Variants in TGFBR2 observed in about 807,000 individuals in gnomAD.
TGFBR2 encodes transforming growth factor beta receptor 2.
A neutral mutation model predicts 49.0 loss-of-function variants in TGFBR2; 18 were observed. The observed-to-expected ratio is 0.37, with a 90% CI of 0.25 to 0.54. The LOEUF (loss-of-function observed/expected upper bound fraction) is 0.54, where lower values mean the gene tolerates loss of function less well. Among genes scored for constraint, TGFBR2 ranks in the 20% least tolerant of loss-of-function variants. The pLI is 0.85. For missense variants in TGFBR2, 525 were observed against 722.6 expected, an observed-to-expected ratio of 0.73 and a Z score of 3.13; for synonymous variants, 282 against 275.9, an observed-to-expected ratio of 1.02 and a Z score of -0.22.
intron 1 of TGFBR2, among the ~76,000 whole-genome samples, chr3:30,640,784 A>C (rs548222249): frequency 6.6e-6 from 1 of 152,270 alleles, no homozygotes; most frequent in East Asian, 1.9e-4. Context: ...CTAATATAAC[A>C]ATCTGGATTA....
intron 3 of TGFBR2, among the ~76,000 whole-genome samples, chr3:30,668,451 A>G (rs1699280280): frequency 6.6e-6 from 1 of 152,210 alleles, no homozygotes; most frequent in Non-Finnish European, 1.5e-5. Flanking sequence ...GCATTGTGGA[A>G]GTGGTAAGCC....
intron 6 of TGFBR2, among the ~76,000 whole-genome samples, chr3:30,691,172 C>A (rs150353621): frequency 1.9e-4 from 29 of 152,168 alleles, no homozygotes; most frequent in Non-Finnish European, 4.0e-4. Context: ...CTATTGTGAT[C>A]AGATAGCACC....
Position 30,650,152 on chromosome 3 carries a change from A to T in TGFBR2, c.264-118A>T, listed in dbSNP as rs770436127. 4.3e-5 allele frequency: 45 copies of T among 1,052,896 alleles called. No homozygotes were observed. In the Middle Eastern group the frequency reaches 8.4e-4, roughly 20 times the overall value. The allele number at this position is 1,052,896 out of a possible 1,614,324, so 65.2% of individuals were successfully genotyped here. On this transcript the variant is annotated intron_variant, in intron 2 of 6. Transcript: ENST00000295754. Reference sequence around the variant, plus strand: ...CAGGAACCAGCTGCCGTTGTTAGGAACAACTTCATGAAGGAAAAGTATTCC... The same window carrying T: ...CAGGAACCAGCTGCCGTTGTTAGGATCAACTTCATGAAGGAAAAGTATTCC...
intron 3 of TGFBR2, among the ~76,000 whole-genome samples, chr3:30,665,323 C>A (rs775507152): frequency 6.6e-5 from 10 of 152,172 alleles, no homozygotes; most frequent in Non-Finnish European, 1.3e-4. Context: ...AACAAGAATA[C>A]TTATTTACTA....
At position 30,672,445 on chromosome 3, in the gene TGFBR2, A is replaced by C. The variant is rs200630803; in HGVS notation, c.1254+8A>C. ...CTGGCTAACAGTGGGCAGGTAAGTT[A>C]GAGCTAGTGCTAGATCCCCTTTACC... On this transcript the variant is annotated splice_region_variant and intron_variant, in intron 4 of 6. Transcript: ENST00000295754. This position sits in a 1 kb window ranked among gnomAD's most constrained non-coding sequence, Gnocchi z 4.5. 2 of 1,614,026 alleles carry C rather than the reference A, an allele frequency of 1.2e-6. No individual in the cohort carries two copies. Among genetic ancestry groups the C allele is most frequent in the Non-Finnish European group, 1.7e-6 (2 of 1,179,974 alleles).
At chr3:30,661,553 T>C (rs754582506) in intron 3 of TGFBR2, 3 of 512,282 alleles carry the variant, frequency 5.9e-6, no homozygotes, top group Admixed American at 2.0e-5. Flanking sequence ...ATCAGACATA[T>C]AGGTTCAAAC....
At chr3:30,618,328 C>G (rs1379972551) in intron 1 of TGFBR2, among the ~76,000 whole-genome samples, 1 of 150,060 alleles carries the variant, frequency 6.7e-6, no homozygotes, top group Non-Finnish European at 1.5e-5. Flanking sequence ...CTCCTGGGTT[C>G]AAGCGATTCT....
intron 5 of TGFBR2, among the ~76,000 whole-genome samples, chr3:30,685,881 G>C (rs1243082417): frequency 3.3e-5 from 5 of 152,234 alleles, no homozygotes; most frequent in Non-Finnish European, 5.9e-5. Context: ...AACAATTGAA[G>C]ATGGAAGGTC....
At chr3:30,636,152 T>G (rs1698524227) in intron 1 of TGFBR2, among the ~76,000 whole-genome samples, 1 of 120,748 alleles carries the variant, frequency 8.3e-6, no homozygotes, top group East Asian at 2.7e-4. Context: ...AAAATATATA[T>G]GTATGTGTGT....
rs1023085969 is a variant in TGFBR2 at position 30,679,821 on chromosome 3, C to T, written c.1396+5575C>T. Reference sequence around the variant, plus strand: ...TACTGCTAGCCTGGCCAATGGAGAACGTATTTAAAATAGTAGCTATGGCCA... The same window carrying T: ...TACTGCTAGCCTGGCCAATGGAGAATGTATTTAAAATAGTAGCTATGGCCA... On this transcript the variant is annotated intron_variant, in intron 5 of 6. Coordinates refer to ENST00000295754, the MANE Select transcript of TGFBR2 (RefSeq NM_003242.6). 3.3e-5 allele frequency among the ~76,000 whole-genome samples: 5 copies of T among 152,266 alleles called. No homozygotes were observed. The East Asian group carries it at 5.8e-4, about 18-fold the overall frequency.
chr3:30,665,368 C>G (rs1699223843), intron 3 of TGFBR2, among the ~76,000 whole-genome samples: 3 of 152,206 alleles, frequency 2.0e-5, no homozygotes, highest in African/African-American at 7.2e-5. Context: ...AACCAAGGTT[C>G]AGTATCCTCC....
intron 5 of TGFBR2, among the ~76,000 whole-genome samples, chr3:30,681,160 GAAAAAAAAAAAA>G (rs55729736): frequency 1.3e-4 from 11 of 83,004 alleles, no homozygotes; most frequent in African/African-American, 5.4e-4. Context: ...CTTGTGAGAT[GAAAAAAAAAAAA>G]AAAAAAAAAG....
intron 1 of TGFBR2, among the ~76,000 whole-genome samples, chr3:30,628,528 G>GTTTTTTT (rs569832149): frequency 7.5e-5 from 6 of 80,192 alleles, no homozygotes; most frequent in East Asian, 4.7e-4. Context: ...AAGCCTGTGG[G>GTTTTTTT]TTTTTTTTTT....
chr3:30,643,222 C>T (rs1022255106), intron 1 of TGFBR2, among the ~76,000 whole-genome samples: 3 of 152,192 alleles, frequency 2.0e-5, no homozygotes, highest in African/African-American at 7.2e-5. Flanking sequence ...TTAGGCCTCT[C>T]TAAGGGTTAT....
In TGFBR2 at chr3:30,693,035, CA is replaced by C. The variant is rs1699741680; in HGVS notation, c.*1437del. 1 of 233,138 alleles carries C rather than the reference CA, an allele frequency of 4.3e-6. No homozygotes were observed. Among genetic ancestry groups the C allele is most frequent in the Admixed American group, 5.6e-5 (1 of 17,772 alleles). 14.4% of individuals were successfully genotyped at this position (233,138 alleles called of 1,614,324 possible). A position where few individuals can be genotyped will look rare whatever the true frequency, so the allele number is the denominator to read the frequency against. ...CCCTTGTAAGAAATGTCCATTCAAG[CA>C]GTCATTCTCTGGGTATATAATATGA... On this transcript the variant is annotated 3_prime_UTR_variant, in exon 7 of 7. Coordinates refer to ENST00000295754, the MANE Select transcript of TGFBR2 (RefSeq NM_003242.6).
In TGFBR2 at chr3:30,691,649, A is replaced by G. The variant is rs945172116; in HGVS notation, c.*50A>G. ...GTCCAAAGAGGCTGCCCCTCTCACC[A>G]AAGAACAGAGGCAGCAGGAAGCTGC... On this transcript the variant is annotated 3_prime_UTR_variant, in exon 7 of 7. Coordinates refer to ENST00000295754, the MANE Select transcript of TGFBR2 (RefSeq NM_003242.6). The G allele has an allele frequency of 6.2e-7, 1 of 1,609,944 alleles. No homozygotes were observed. Among genetic ancestry groups the G allele is most frequent in the African/African-American group, 1.3e-5 (1 of 74,750 alleles).
chr3:30,654,127 C>T (rs1575148609), intron 3 of TGFBR2, among the ~76,000 whole-genome samples: 1 of 152,116 alleles, frequency 6.6e-6, no homozygotes, highest in East Asian at 1.9e-4. Flanking sequence ...ATAATATATG[C>T]ATATGATAAA....
chr3:30,678,842 T>C (rs561503716), intron 5 of TGFBR2, among the ~76,000 whole-genome samples: 99 of 152,318 alleles, frequency 6.5e-4, no homozygotes, highest in African/African-American at 2.3e-3. Flanking sequence ...GAGGTGACTA[T>C]TTGTTTTACT....
At position 30,606,650 on chromosome 3, in the gene TGFBR2, C is replaced by A. The variant is rs1697923726; in HGVS notation, c.-234C>A. On this transcript the variant is annotated 5_prime_UTR_variant, in exon 1 of 7. Coordinates refer to ENST00000295754, the MANE Select transcript of TGFBR2 (RefSeq NM_003242.6). ...CCCCCGCGCGTGCACCCGCTCGGGA[C>A]AGGAGCCGGACTCCTGTGCAGCTTC... 1 of 370,500 alleles carries A rather than the reference C, an allele frequency of 2.7e-6. No homozygotes were observed. Among genetic ancestry groups the A allele is most frequent in the Non-Finnish European group, 4.8e-6 (1 of 206,938 alleles). The allele number at this position is 370,500 out of a possible 1,614,324, so 23.0% of individuals were successfully genotyped here.
Sources: allele counts gnomAD v4.1 joint callset (sites outside exome capture counted in the v4.1 genomes callset), GRCh38; gene constraint gnomAD v4.1.1; non-coding constraint Gnocchi (gnomAD v3.1); transcripts MANE v1.5; gene names NCBI Gene and HGNC (gene_info 2026-07-23, HGNC 2026-07-21).